Variants in DPP6 observed in about 807,000 individuals in gnomAD.
DPP6 encodes dipeptidyl peptidase like 6.
A neutral mutation model predicts 122.6 loss-of-function variants in DPP6; 69 were observed. The observed-to-expected ratio is 0.56, with a 90% CI of 0.46 to 0.69. DPP6 has a LOEUF of 0.69. DPP6 is among the 30% of genes least tolerant of loss of function. The pLI is 0.00. For synonymous variants in DPP6, 418 were observed against 433.1 expected, an observed-to-expected ratio of 0.97 and a Z score of 0.43; for missense variants, 928 against 1,116.9, an observed-to-expected ratio of 0.83 and a Z score of 2.41.
chr7:154,586,693 T>G (rs2130704394), intron 5 of DPP6, among the ~76,000 whole-genome samples: 1 of 152,350 alleles, frequency 6.6e-6, no homozygotes, highest in Admixed American at 6.5e-5. Context: ...CATCGGGTTT[T>G]CCCTTACTTG....
chr7:153,928,090 A>G (rs1272783078), intron 1 of DPP6, among the ~76,000 whole-genome samples: 2 of 148,402 alleles, frequency 1.3e-5, no homozygotes, highest in African/African-American at 2.4e-5. Context: ...TAAATAAAAG[A>G]TATCATACAC....
intron 10 of DPP6, among the ~76,000 whole-genome samples, chr7:154,791,317 AAGAG>A (rs1191843984): frequency 6.6e-6 from 1 of 152,210 alleles, no homozygotes; most frequent in Non-Finnish European, 1.5e-5. Context: ...GTAATTTAGA[AAGAG>A]AGAGGTTTCA....
At chr7:154,479,995 C>T (rs1823112210) in intron 3 of DPP6, among the ~76,000 whole-genome samples, 1 of 152,122 alleles carries the variant, frequency 6.6e-6, no homozygotes, top group East Asian at 1.9e-4. Flanking sequence ...CTGCCGCTGG[C>T]TCTTCCTGCA....
In DPP6 at chr7:154,599,627, C is replaced by T. The variant is rs539761255; in HGVS notation, c.627+32711C>T. 1.6e-3 allele frequency among the ~76,000 whole-genome samples: 240 copies of T among 151,934 alleles called. 1 individual carries two copies. The Middle Eastern group carries it at 0.027, about 17-fold the overall frequency. The stretch of plus-strand genomic sequence containing the variant: ...TGTTGGTGTGCTGCACCCATTAACT[C>T]GTCATTTACATTAGGTATATCTCCT... On this transcript the variant is annotated intron_variant, in intron 5 of 25. Transcript: ENST00000377770.
intron 7 of DPP6, among the ~76,000 whole-genome samples, chr7:154,671,765 G>A (rs1340707182): frequency 2.0e-5 from 3 of 152,142 alleles, no homozygotes. Flanking sequence ...GATTATAGAA[G>A]TTATCTTGTT....
intron 7 of DPP6, among the ~76,000 whole-genome samples, chr7:154,716,549 C>T (rs1157084681): frequency 6.6e-6 from 1 of 152,120 alleles, no homozygotes; most frequent in East Asian, 1.9e-4. Flanking sequence ...GTTTACTGCC[C>T]CTTTATATTA....
rs56024267 is a variant in DPP6, at chr7:154,874,560, C to A, written c.1884-1346C>A. Among the ~76,000 whole-genome samples, 1,379 of 152,384 alleles carry A rather than the reference C, an allele frequency of 9.0e-3. 13 individuals are homozygous for A. Among genetic ancestry groups the A allele is most frequent in the Non-Finnish European group, 9.5e-3 (649 of 68,040 alleles). The stretch of plus-strand genomic sequence containing the variant: ...CAAAAGAAAACAAAGGCACACTCGA[C>A]ATAGAGCAGCACCATGACTCACCAG... On this transcript the variant is annotated intron_variant, in intron 19 of 25. Transcript: ENST00000377770.
chr7:154,287,056 G>A (rs1804903830), intron 1 of DPP6, among the ~76,000 whole-genome samples: 1 of 152,112 alleles, frequency 6.6e-6, no homozygotes, highest in African/African-American at 2.4e-5. Context: ...ACCCACCTCG[G>A]CCTTAAACTG....
chr7:154,804,891 C>T, intron 14 of DPP6, 26 bp from the exon 15 acceptor site: 1 of 1,594,140 alleles, frequency 6.3e-7, no homozygotes, highest in Non-Finnish European at 8.5e-7. Flanking sequence ...GCAAACTAAC[C>T]CTGTGCACCT....
intron 17 of DPP6, among the ~76,000 whole-genome samples, chr7:154,854,657 T>C (rs531428777): frequency 6.6e-6 from 1 of 152,144 alleles, no homozygotes; most frequent in South Asian, 2.1e-4. Flanking sequence ...GGAGCCTCAC[T>C]CAAGTTTGGT....
intron 5 of DPP6, among the ~76,000 whole-genome samples, chr7:154,594,529 A>G (rs1832978477): frequency 1.3e-5 from 2 of 152,228 alleles, no homozygotes; most frequent in South Asian, 4.1e-4. Context: ...ATCTACAGCC[A>G]GATACCATTT....
intron 4 of DPP6, among the ~76,000 whole-genome samples, chr7:154,548,858 T>C (rs1829415012): frequency 6.6e-6 from 1 of 152,188 alleles, no homozygotes; most frequent in Non-Finnish European, 1.5e-5. Context: ...AGAAAGAGGA[T>C]TGCTGGGAAC....
Position 154,853,832 on chromosome 7 carries a change from G to A in DPP6, c.1714+5G>A. The A allele has an allele frequency of 6.2e-7, 1 of 1,613,646 alleles. No individual in the cohort carries two copies. The highest frequency in any genetic ancestry group is 8.5e-7 in the Non-Finnish European group (1 of 1,179,764). On this transcript the variant is annotated splice_donor_5th_base_variant and intron_variant, in intron 17 of 25. Coordinates refer to ENST00000377770, the MANE Select transcript of DPP6 (RefSeq NM_130797.4). ...ACAACACAACAGATAAGAAAAGTAA[G>A]TGCTCTTTTTTTTCCTTAAATCTTC...
chr7:154,133,786 T>C (rs3102311), intron 1 of DPP6, among the ~76,000 whole-genome samples: 144,181 of 146,560 alleles, frequency 0.98, 70,966 homozygotes, highest in East Asian at 1. Context: ...CTTCTACTCC[T>C]ATCAGCTCAG....
At chr7:154,870,146 C>T (rs28570095) in intron 18 of DPP6, among the ~76,000 whole-genome samples, 3,576 of 121,688 alleles carry the variant, frequency 0.029, 193 homozygotes, top group Admixed American at 0.15. Flanking sequence ...CCAACTAATT[C>T]TTTTTTTTTT....
chr7:153,999,018 G>A lies in DPP6; in HGVS notation c.51+111284G>A, dbSNP rs572507818. On this transcript the variant is annotated intron_variant, in intron 1 of 25. Transcript: ENST00000404039. ...CTCAAGTGACTTAACGTGGCTGGCC[G>A]ATGACTGATTCCTTCCAGGTGAAGC... 5.9e-5 allele frequency among the ~76,000 whole-genome samples: 9 copies of A among 152,356 alleles called. No individual in the cohort carries two copies. The East Asian group carries it at 1.4e-3, about 23-fold the overall frequency.
At chr7:153,948,236 GCTTT>G (rs1802037564) in intron 1 of DPP6, among the ~76,000 whole-genome samples, 1 of 152,102 alleles carries the variant, frequency 6.6e-6, no homozygotes, top group Admixed American at 6.5e-5. Context: ...TGGCCATATT[GCTTT>G]CTGTCACCAG....
chr7:154,498,340 TTTTTA>T (rs1222995459), intron 3 of DPP6, among the ~76,000 whole-genome samples: 1 of 152,144 alleles, frequency 6.6e-6, no homozygotes, highest in Admixed American at 6.5e-5. Flanking sequence ...TTTTTATTAT[TTTTTA>T]TTTTATTTTT....
At chr7:154,263,682 A>T (rs73489337) in intron 1 of DPP6, among the ~76,000 whole-genome samples, 28,410 of 149,966 alleles carry the variant, frequency 0.19, 3,112 homozygotes, top group African/African-American at 0.32. Flanking sequence ...TGTTCTTTTT[A>T]TTATTATTAT....
Sources: gnomAD v4.1 joint callset for allele counts (sites outside exome capture counted in the v4.1 genomes callset) on GRCh38, gnomAD v4.1.1 for gene constraint, MANE v1.5 for transcripts, NCBI Gene and HGNC (gene_info 2026-07-23, HGNC 2026-07-21) for gene names.